Variants in SGCZ observed in about 807,000 individuals in gnomAD.
The protein encoded by SGCZ is zeta-sarcoglycan.
SGCZ carries 40 observed loss-of-function variants against 41.3 expected under a neutral mutation model. The ratio of observed to expected loss-of-function variants is 0.97; its 90% CI spans 0.75 to 1.26. The LOEUF (loss-of-function observed/expected upper bound fraction) is 1.26, where lower values mean the gene tolerates loss of function less well. Among genes scored for constraint, SGCZ ranks in the 50% most tolerant of loss-of-function variants. SGCZ has a pLI of 0.00. For synonymous variants in SGCZ, 206 were observed against 137.5 expected, an observed-to-expected ratio of 1.50 and a Z score of -3.49; for missense variants, 552 against 369.8, an observed-to-expected ratio of 1.49 and a Z score of -4.04.
At chr8:14,579,343 A>G (rs1276577519) in intron 1 of SGCZ, among the ~76,000 whole-genome samples, 1 of 152,218 alleles carries the variant, frequency 6.6e-6, no homozygotes, top group Non-Finnish European at 1.5e-5. Context: ...TATAAAACAG[A>G]AACCTTAATC....
At chr8:15,134,601 G>A (rs1278914881) in intron 1 of SGCZ, among the ~76,000 whole-genome samples, 1 of 152,086 alleles carries the variant, frequency 6.6e-6, no homozygotes, top group Admixed American at 6.6e-5. Context: ...AACTCTCAAT[G>A]TAGCATGTAC....
intron 1 of SGCZ, among the ~76,000 whole-genome samples, chr8:14,633,669 G>T (rs1316550920): frequency 6.6e-6 from 1 of 151,726 alleles, no homozygotes; most frequent in Non-Finnish European, 1.5e-5. Flanking sequence ...TTACTTATTT[G>T]TATACCTCTA....
intron 1 of SGCZ, among the ~76,000 whole-genome samples, chr8:14,563,581 T>G (rs1032176918): frequency 1.6e-4 from 25 of 152,212 alleles, no homozygotes; most frequent in Non-Finnish European, 3.1e-4. Flanking sequence ...CACCTAAATG[T>G]GTGCCACAGG....
At chr8:14,573,262 G>T (rs887622598) in intron 1 of SGCZ, among the ~76,000 whole-genome samples, 4 of 123,716 alleles carry the variant, frequency 3.2e-5, no homozygotes, top group African/African-American at 1.2e-4. Flanking sequence ...CAGTGGCGCT[G>T]TCTCGGCTCA....
chr8:15,113,669 A>C (rs938795479), intron 1 of SGCZ, among the ~76,000 whole-genome samples: 1 of 152,178 alleles, frequency 6.6e-6, no homozygotes, highest in Admixed American at 6.5e-5. Context: ...TTCCTCATAC[A>C]GTCTGCCTAA....
intron 2 of SGCZ, among the ~76,000 whole-genome samples, chr8:14,546,680 G>C (rs1207880473): frequency 1.3e-5 from 2 of 152,000 alleles, no homozygotes; most frequent in Admixed American, 6.6e-5. Flanking sequence ...TTTTGCCCAA[G>C]TTCAAAAGAT....
intron 1 of SGCZ, among the ~76,000 whole-genome samples, chr8:14,736,186 G>A (rs1563234924): frequency 2.6e-5 from 4 of 152,062 alleles, no homozygotes; most frequent in African/African-American, 7.2e-5. Context: ...TATGAGCCAT[G>A]TTTTGTAGAG....
At chr8:14,737,717 T>C (rs1585220937) in intron 1 of SGCZ, among the ~76,000 whole-genome samples, 2 of 152,164 alleles carry the variant, frequency 1.3e-5, no homozygotes, top group African/African-American at 4.8e-5. Flanking sequence ...TGTCTTATTT[T>C]CTCTTATGAG....
intron 1 of SGCZ, among the ~76,000 whole-genome samples, chr8:14,886,486 G>A (rs1242630894): frequency 6.6e-6 from 1 of 152,068 alleles, no homozygotes; most frequent in Non-Finnish European, 1.5e-5. Context: ...CTTCACTCAG[G>A]AGATATTTGA....
intron 1 of SGCZ, among the ~76,000 whole-genome samples, chr8:14,655,602 A>C (rs1044591318): frequency 1.3e-5 from 2 of 152,142 alleles, no homozygotes; most frequent in Non-Finnish European, 2.9e-5. Context: ...TGTAAGAAAT[A>C]ATATAGAGAC....
In SGCZ at chr8:14,927,467, G is replaced by T. The variant is rs1245039433; in HGVS notation, c.39+310118C>A. ...CACTTCAAAAGTGGATTTTACTTATGAGATACAAAGTGTAAGGGAGAGAGA... is the reference window on the plus strand; with the variant it reads ...CACTTCAAAAGTGGATTTTACTTATTAGATACAAAGTGTAAGGGAGAGAGA... On this transcript the variant is annotated intron_variant, in intron 1 of 7. Coordinates refer to ENST00000382080, the MANE Select transcript of SGCZ (RefSeq NM_139167.4). Among the ~76,000 whole-genome samples, 5 of 152,072 alleles carry T rather than the reference G, an allele frequency of 3.3e-5. No individual in the cohort carries two copies. The East Asian group carries it at 9.7e-4, about 29-fold the overall frequency.
chr8:15,188,817 A>G (rs1800433393), intron 1 of SGCZ, among the ~76,000 whole-genome samples: 1 of 152,164 alleles, frequency 6.6e-6, no homozygotes, highest in Non-Finnish European at 1.5e-5. Flanking sequence ...TGATTTGAGA[A>G]TAAGAAAGAA....
In SGCZ at chr8:15,024,974, T is replaced by TAAATAAA. The variant is rs1267091301; in HGVS notation, c.39+212610_39+212611insTTTATTT. 1.7e-4 allele frequency among the ~76,000 whole-genome samples: 20 copies of TAAATAAA among 115,284 alleles called. 1 individual carries two copies. The highest frequency in any genetic ancestry group is 5.5e-4 in the African/African-American group (19 of 34,594). 75.6% of individuals were successfully genotyped at this position (115,284 alleles called of 152,430 possible). On this transcript the variant is annotated intron_variant, in intron 1 of 7. Coordinates refer to ENST00000382080, the MANE Select transcript of SGCZ (RefSeq NM_139167.4). ...AATAAATAAATAAATAAATAAATAA[T>TAAATAAA]ATAGTGGTTGAAAGATGAGTTTCAA...
intron 3 of SGCZ, among the ~76,000 whole-genome samples, chr8:14,291,487 A>G (rs1345058367): frequency 6.6e-6 from 1 of 151,980 alleles, no homozygotes; most frequent in African/African-American, 2.4e-5. Context: ...GTGCACTTTT[A>G]TGCTGGTACC....
At chr8:14,612,748 A>G (rs1034819054) in intron 1 of SGCZ, among the ~76,000 whole-genome samples, 3 of 152,078 alleles carry the variant, frequency 2.0e-5, no homozygotes, top group East Asian at 1.9e-4. Context: ...AGGCAGTGGC[A>G]GGATCTCTGC....
intron 1 of SGCZ, among the ~76,000 whole-genome samples, chr8:14,590,952 C>G (rs1442129785): frequency 6.7e-6 from 1 of 150,156 alleles, no homozygotes; most frequent in Non-Finnish European, 1.5e-5. Flanking sequence ...TATATAATGT[C>G]ATAAATATAT....
At chr8:15,215,786 T>C (rs1044241505) in intron 1 of SGCZ, among the ~76,000 whole-genome samples, 1 of 152,248 alleles carries the variant, frequency 6.6e-6, no homozygotes, top group African/African-American at 2.4e-5. Context: ...AAGTCCTATA[T>C]GTTCTTTCAT....
At chr8:15,019,685 A>G (rs1349522743) in intron 1 of SGCZ, among the ~76,000 whole-genome samples, 1 of 151,708 alleles carries the variant, frequency 6.6e-6, no homozygotes. Context: ...AGTCACAGGA[A>G]TCTCACTGTG....
intron 2 of SGCZ, among the ~76,000 whole-genome samples, chr8:14,479,900 C>T (rs552946267): frequency 1.7e-5 from 2 of 119,332 alleles, no homozygotes; most frequent in East Asian, 5.6e-4. Flanking sequence ...CGTGCACTAG[C>T]ACGCTCGACT....
Sources: gnomAD v4.1 joint callset for allele counts (sites outside exome capture counted in the v4.1 genomes callset) on GRCh38, gnomAD v4.1.1 for gene constraint, MANE v1.5 for transcripts, NCBI Gene and HGNC (gene_info 2026-07-23, HGNC 2026-07-21) for gene names.